The following SPOCK1 variants were observed in gnomAD, a reference collection of about 807,000 sequenced individuals.
The protein encoded by SPOCK1 is testican-1.
In SPOCK1, 23 loss-of-function variants were observed where a neutral mutation model predicts 55.3. That is an observed-to-expected ratio of 0.42 (90% CI 0.30 to 0.59). SPOCK1 has a LOEUF of 0.59. Ranked by LOEUF, SPOCK1 falls within the 20% of genes least tolerant of loss-of-function variation. The pLI is 0.22. For synonymous variants in SPOCK1, 226 were observed against 221.0 expected (o/e 1.02, Z -0.20); for missense variants, 499 against 552.5 (o/e 0.90, Z 0.97).
chr5:137,229,463 G>C (rs1182835073), intron 3 of SPOCK1, among the ~76,000 whole-genome samples: 2 of 152,146 alleles, frequency 1.3e-5, no homozygotes, highest in African/African-American at 4.8e-5. Flanking sequence ...CACTCCTTTT[G>C]ATCAGGAGAC....
At chr5:137,112,077 G>A (rs1403327419) in intron 5 of SPOCK1, among the ~76,000 whole-genome samples, 5 of 151,834 alleles carry the variant, frequency 3.3e-5, no homozygotes, top group Admixed American at 6.6e-5. Context: ...GCAGCATCAC[G>A]ACCCCCCCTT....
At chr5:137,064,453 C>G (rs1039978078) in intron 6 of SPOCK1, among the ~76,000 whole-genome samples, 2 of 152,126 alleles carry the variant, frequency 1.3e-5, no homozygotes, top group African/African-American at 4.8e-5. Flanking sequence ...CTCATTTCTG[C>G]AATAGGCACA....
At chr5:137,361,531 C>T (rs903945860) in intron 2 of SPOCK1, among the ~76,000 whole-genome samples, 1 of 152,040 alleles carries the variant, frequency 6.6e-6, no homozygotes, top group Non-Finnish European at 1.5e-5. Context: ...AGAGGAAATG[C>T]TTTATGGCAT....
chr5:137,433,389 A>G (rs1464882120), intron 2 of SPOCK1, among the ~76,000 whole-genome samples: 2 of 152,226 alleles, frequency 1.3e-5, no homozygotes, highest in Admixed American at 1.3e-4. Flanking sequence ...GGAGGAGGGC[A>G]GGAGATAAAG....
intron 4 of SPOCK1, among the ~76,000 whole-genome samples, chr5:137,136,216 T>A (rs4409078): frequency 1.3e-5 from 2 of 152,004 alleles, no homozygotes; most frequent in Non-Finnish European, 2.9e-5. Flanking sequence ...CTTCCAAGAC[T>A]TCTAAAAAAG....
At chr5:137,028,071 G>A (rs1751710020) in intron 6 of SPOCK1, among the ~76,000 whole-genome samples, 1 of 152,128 alleles carries the variant, frequency 6.6e-6, no homozygotes, top group South Asian at 2.1e-4. Context: ...TCCACCTTGG[G>A]GTACCCACAC....
chr5:137,298,155 A>G (rs1445681530), intron 2 of SPOCK1, among the ~76,000 whole-genome samples: 1 of 152,164 alleles, frequency 6.6e-6, no homozygotes, highest in Non-Finnish European at 1.5e-5. Context: ...TAACAGTGCT[A>G]TGTGTGCAGT....
chr5:137,315,434 G>C (rs1378922462), intron 2 of SPOCK1, among the ~76,000 whole-genome samples: 1 of 152,202 alleles, frequency 6.6e-6, no homozygotes, highest in Non-Finnish European at 1.5e-5. Flanking sequence ...TTGTGAAGCA[G>C]ATATGGCATC....
intron 3 of SPOCK1, among the ~76,000 whole-genome samples, chr5:137,190,081 T>C (rs1055783667): frequency 1.5e-4 from 22 of 151,694 alleles, no homozygotes; most frequent in African/African-American, 4.8e-4. Context: ...AAGTGGTTTA[T>C]TGAGATGGAA....
intron 2 of SPOCK1, among the ~76,000 whole-genome samples, chr5:137,288,331 AC>A (rs1473608960): frequency 6.6e-6 from 1 of 152,222 alleles, no homozygotes; most frequent in East Asian, 1.9e-4. Flanking sequence ...GAGACTTAGA[AC>A]CCTTGGACAT....
chr5:137,440,330 A>G (rs1752970990), intron 2 of SPOCK1, among the ~76,000 whole-genome samples: 1 of 152,178 alleles, frequency 6.6e-6, no homozygotes, highest in African/African-American at 2.4e-5. Flanking sequence ...GAGAAAAGAC[A>G]AAGACAAAGG....
At chr5:137,303,098 T>C (rs1451191917) in intron 2 of SPOCK1, among the ~76,000 whole-genome samples, 1 of 152,186 alleles carries the variant, frequency 6.6e-6, no homozygotes, top group Non-Finnish European at 1.5e-5. Flanking sequence ...CACGGGACTC[T>C]GATTTTAAAG....
intron 2 of SPOCK1, among the ~76,000 whole-genome samples, chr5:137,404,702 C>A (rs1378625795): frequency 6.6e-6 from 1 of 151,810 alleles, no homozygotes; most frequent in Non-Finnish European, 1.5e-5. Context: ...ACAGGGGGAG[C>A]CACCGCACCT....
intron 2 of SPOCK1, among the ~76,000 whole-genome samples, chr5:137,410,869 G>T (rs1752196255): frequency 6.6e-6 from 1 of 152,184 alleles, no homozygotes; most frequent in Admixed American, 6.5e-5. Context: ...GGGAGGAGGG[G>T]ATGCAAGCCA....
chr5:137,430,707 T>C (rs1752725746), intron 2 of SPOCK1, among the ~76,000 whole-genome samples: 2 of 152,222 alleles, frequency 1.3e-5, no homozygotes, highest in Non-Finnish European at 2.9e-5. Context: ...GCAGAGGAAC[T>C]TAATCACTCT....
chr5:137,116,076 G>A (rs983511399), intron 4 of SPOCK1, among the ~76,000 whole-genome samples: 7 of 152,008 alleles, frequency 4.6e-5, no homozygotes, highest in South Asian at 2.1e-4. Context: ...ATTGGCCAGC[G>A]AGCCCTAAAT....
At chr5:137,124,814 G>T (rs1753757327) in intron 4 of SPOCK1, among the ~76,000 whole-genome samples, 1 of 152,192 alleles carries the variant, frequency 6.6e-6, no homozygotes, top group Non-Finnish European at 1.5e-5. Flanking sequence ...CTTTAGATGT[G>T]TGTAGTCACT....
At chr5:137,174,670 G>C (rs1754820680) in intron 3 of SPOCK1, among the ~76,000 whole-genome samples, 1 of 152,206 alleles carries the variant, frequency 6.6e-6, no homozygotes, top group Non-Finnish European at 1.5e-5. Flanking sequence ...TTCCAAAAGG[G>C]AGCATTTGTC....
intron 2 of SPOCK1, among the ~76,000 whole-genome samples, chr5:137,326,855 T>C (rs1758086551): frequency 6.6e-6 from 1 of 152,252 alleles, no homozygotes; most frequent in Non-Finnish European, 1.5e-5. Context: ...GCTGTGTTTA[T>C]GCCCATTGTG....
Sources: allele counts gnomAD v4.1 joint callset (sites outside exome capture counted in the v4.1 genomes callset), GRCh38; gene constraint gnomAD v4.1.1; transcripts MANE v1.5; gene names NCBI Gene and HGNC (gene_info 2026-07-23, HGNC 2026-07-21).